Variants in SDC2 observed in about 807,000 individuals in gnomAD.
The protein encoded by SDC2 is syndecan-2.
A neutral mutation model predicts 22.2 loss-of-function variants in SDC2; 13 were observed. That is an observed-to-expected ratio of 0.59 (90% CI 0.38 to 0.93). The LOEUF (loss-of-function observed/expected upper bound fraction) is 0.93. Ranked by LOEUF, SDC2 falls within the 40% of genes least tolerant of loss-of-function variation. The pLI is 0.00. For synonymous variants in SDC2, 94 were observed against 92.8 expected, an observed-to-expected ratio of 1.01 and a Z score of -0.07; for missense variants, 235 against 246.8, an observed-to-expected ratio of 0.95 and a Z score of 0.32.
chr8:96,527,339 G>A (rs1454079939), intron 1 of SDC2, among the ~76,000 whole-genome samples: 2 of 152,148 alleles, frequency 1.3e-5, no homozygotes, highest in Admixed American at 6.5e-5. Context: ...CCTTATCACT[G>A]CTCTTGTAAG....
intron 1 of SDC2, among the ~76,000 whole-genome samples, chr8:96,575,126 T>C (rs1472429637): frequency 3.3e-5 from 5 of 152,190 alleles, no homozygotes; most frequent in African/African-American, 7.2e-5. Context: ...CGGATCGGTA[T>C]TGGTCTGTGG....
chr8:96,504,430 A>AATCAG (rs1349391882), intron 1 of SDC2, among the ~76,000 whole-genome samples: 1 of 152,220 alleles, frequency 6.6e-6, no homozygotes, highest in Non-Finnish European at 1.5e-5. Context: ...AATGTTTTAG[A>AATCAG]ATCAGATAAA....
intron 1 of SDC2, among the ~76,000 whole-genome samples, chr8:96,532,412 GTTTTTTTTTTT>G (rs35452131): frequency 6.3e-5 from 3 of 47,944 alleles, no homozygotes; most frequent in South Asian, 2.1e-3. Context: ...TTATTGAGGC[GTTTTTTTTTTT>G]TTTTTTTTTT....
At chr8:96,505,998 C>T (rs1035056055) in intron 1 of SDC2, among the ~76,000 whole-genome samples, 1 of 152,184 alleles carries the variant, frequency 6.6e-6, no homozygotes, top group Non-Finnish European at 1.5e-5. Context: ...TCTAGTTCGG[C>T]ATTTGTACAA....
Position 96,494,081 on chromosome 8 carries a change from C to A in SDC2, c.-191C>A. 2 of 565,504 alleles carry A rather than the reference C, an allele frequency of 3.5e-6. No individual in the cohort carries two copies. The highest frequency in any genetic ancestry group is 6.1e-6 in the Non-Finnish European group (2 of 327,482). 35.0% of individuals were successfully genotyped at this position (565,504 alleles called of 1,614,324 possible). ...CGCGTTCCCGGGGCGCAGCTGCGGG[C>A]GGCGGGAGCAGGCGCAGGAGGAGGA... On this transcript the variant is annotated 5_prime_UTR_variant, in exon 1 of 5. Coordinates refer to ENST00000302190, the MANE Select transcript of SDC2 (RefSeq NM_002998.4).
At chr8:96,543,698 G>A (rs924012624) in intron 1 of SDC2, among the ~76,000 whole-genome samples, 16 of 152,096 alleles carry the variant, frequency 1.1e-4, no homozygotes, top group African/African-American at 1.7e-4. Flanking sequence ...TCTCTTTGGC[G>A]TCCCTGGTGT....
chr8:96,518,041 T>C (rs1344400096), intron 1 of SDC2, among the ~76,000 whole-genome samples: 1 of 152,118 alleles, frequency 6.6e-6, no homozygotes, highest in Non-Finnish European at 1.5e-5. Context: ...TGGAATGCCT[T>C]TCAGAATGTT....
chr8:96,494,361 C>G (rs962746616), intron 1 of SDC2, 30 bp downstream of exon 1: 69 of 1,534,324 alleles, frequency 4.5e-5, no homozygotes, highest in Non-Finnish European at 5.8e-5. Flanking sequence ...GATGCGCGCG[C>G]CGTTTAGGGT....
chr8:96,549,191 G>A (rs754297799), intron 1 of SDC2, among the ~76,000 whole-genome samples: 4 of 152,172 alleles, frequency 2.6e-5, no homozygotes, highest in African/African-American at 7.2e-5. Context: ...CTTAAGGAAA[G>A]CATGTTATTT....
chr8:96,593,082 C>T (rs373752036), intron 1 of SDC2, among the ~76,000 whole-genome samples: 3 of 152,128 alleles, frequency 2.0e-5, no homozygotes, highest in Non-Finnish European at 2.9e-5. Flanking sequence ...GCATACATCC[C>T]CAAGAAAGTC....
intron 1 of SDC2, among the ~76,000 whole-genome samples, chr8:96,514,835 T>C (rs1813378223): frequency 1.3e-5 from 2 of 151,936 alleles, no homozygotes; most frequent in African/African-American, 2.4e-5. Flanking sequence ...CAGGCGGTAA[T>C]GAGATTGGAT....
chr8:96,525,397 G>C (rs1280832843), intron 1 of SDC2, among the ~76,000 whole-genome samples: 1 of 152,184 alleles, frequency 6.6e-6, no homozygotes, highest in African/African-American at 2.4e-5. Context: ...TGGCACTGGA[G>C]TGCCATGCTG....
chr8:96,541,503 C>CA (rs201996850), intron 1 of SDC2, among the ~76,000 whole-genome samples: 3,287 of 103,198 alleles, frequency 0.032, 136 homozygotes, highest in African/African-American at 0.11. Context: ...AAGCCCATCT[C>CA]AAAAAAAAAA....
chr8:96,545,824 A>G (rs1402463442), intron 1 of SDC2, among the ~76,000 whole-genome samples: 1 of 152,166 alleles, frequency 6.6e-6, no homozygotes, highest in Admixed American at 6.5e-5. Context: ...GCTTTATGGA[A>G]TAAAAGAGGG....
chr8:96,575,283 A>G (rs576595195), intron 1 of SDC2, among the ~76,000 whole-genome samples: 1 of 151,618 alleles, frequency 6.6e-6, no homozygotes, highest in Non-Finnish European at 1.5e-5. Context: ...TACACAGGTA[A>G]CGAATGAAAA....
At chr8:96,523,877 G>T (rs1813535782) in intron 1 of SDC2, among the ~76,000 whole-genome samples, 1 of 152,180 alleles carries the variant, frequency 6.6e-6, no homozygotes, top group African/African-American at 2.4e-5. Context: ...TAGGTGTAAA[G>T]TTGCTCAACG....
intron 1 of SDC2, among the ~76,000 whole-genome samples, chr8:96,541,063 G>GATAT (rs1240658013): frequency 3.1e-5 from 2 of 65,102 alleles, no homozygotes; most frequent in Non-Finnish European, 6.9e-5. Context: ...TTGATTAAAA[G>GATAT]GTATTATAGA....
At chr8:96,609,238 G>C (rs923505016) in intron 4 of SDC2, 147 bp from the exon 5 acceptor site, 1 of 554,490 alleles carries the variant, frequency 1.8e-6, no homozygotes, top group Non-Finnish European at 3.0e-6. Context: ...TAGTTACCAG[G>C]TTGCTTCATT....
chr8:96,601,811 A>T (rs1021476689), intron 2 of SDC2, among the ~76,000 whole-genome samples: 1 of 151,636 alleles, frequency 6.6e-6, no homozygotes, highest in African/African-American at 2.4e-5. Context: ...CCAGGCTGGA[A>T]TGCAATGGTG....
Sources: allele counts gnomAD v4.1 joint callset (sites outside exome capture counted in the v4.1 genomes callset), GRCh38; gene constraint gnomAD v4.1.1; transcripts MANE v1.5; gene names NCBI Gene and HGNC (gene_info 2026-07-23, HGNC 2026-07-21).